PSD3: variants seen among roughly 807,000 people sequenced by gnomAD.
PSD3 encodes the protein pleckstrin and Sec7 domain containing 3, also known as PH and SEC7 domain-containing protein 3.
Under a neutral mutation model 105.5 loss-of-function variants are expected in PSD3, and 49 were observed. The ratio of observed to expected loss-of-function variants is 0.46; its 90% confidence interval spans 0.37 to 0.59. The LOEUF (loss-of-function observed/expected upper bound fraction) is 0.59. Ranked by LOEUF, PSD3 falls within the 20% of genes least tolerant of loss-of-function variation. PSD3 has a pLI of 0.00. For missense variants in PSD3, 1,561 were observed against 1,263.8 expected, an observed-to-expected ratio of 1.24 and a Z score of -3.57; for synonymous variants, 557 against 457.8, an observed-to-expected ratio of 1.22 and a Z score of -2.77.
intron 9 of PSD3, among the ~76,000 whole-genome samples, chr8:18,682,488 C>T (rs555905015): frequency 1.2e-3 from 183 of 152,194 alleles, no homozygotes; most frequent in African/African-American, 4.3e-3. Flanking sequence ...CCAACACATC[C>T]CTATACAGGT....
chr8:19,076,150 T>C (rs116398345), intron 1 of PSD3, among the ~76,000 whole-genome samples: 6,295 of 152,122 alleles, frequency 0.041, 154 homozygotes, highest in African/African-American at 0.069. Flanking sequence ...CTAAGAAAAA[T>C]TTCACTTACA....
intron 1 of PSD3, among the ~76,000 whole-genome samples, chr8:19,026,876 C>T (rs575917643): frequency 1.3e-5 from 2 of 151,686 alleles, no homozygotes; most frequent in African/African-American, 4.8e-5. Flanking sequence ...CCTGCCCCCC[C>T]ACCCAAAAAT....
chr8:19,047,320 G>T (rs1828354442), intron 1 of PSD3, among the ~76,000 whole-genome samples: 1 of 152,142 alleles, frequency 6.6e-6, no homozygotes. Context: ...GTAATGCATT[G>T]TATAGATTTC....
intron 1 of PSD3, among the ~76,000 whole-genome samples, chr8:18,982,809 CAAGTA>C (rs1168608017): frequency 6.6e-6 from 1 of 152,260 alleles, no homozygotes; most frequent in East Asian, 1.9e-4. Context: ...TTATAGAGCA[CAAGTA>C]GAGTAGATCT....
At chr8:18,784,309 C>A (rs74634795) in intron 8 of PSD3, among the ~76,000 whole-genome samples, 1 of 152,064 alleles carries the variant, frequency 6.6e-6, no homozygotes, top group Non-Finnish European at 1.5e-5. Context: ...TGTTCTTTCA[C>A]GGCTTATTAT....
rs138548775 is a variant in PSD3 at position 18,970,856 on chromosome 8, G to A, written c.22-34714C>T. Among the ~76,000 whole-genome samples, 434 of 151,970 alleles carry A rather than the reference G, an allele frequency of 2.9e-3. 3 individuals carry two copies. The highest frequency in any genetic ancestry group is 0.01 in the African/African-American group (418 of 41,432). On this transcript the variant is annotated intron_variant, in intron 1 of 15. Transcript: ENST00000327040. ...TGTAGTACCAACTACTTGGGAGGCT[G>A]TAGTCCCAACTACTTGGGAGGCTGA...
intron 9 of PSD3, among the ~76,000 whole-genome samples, chr8:18,748,784 A>G (rs1477323641): frequency 1.3e-5 from 2 of 152,074 alleles, no homozygotes; most frequent in Non-Finnish European, 2.9e-5. Context: ...ATCTCTCCAC[A>G]CAAGCTGGGA....
chr8:18,725,868 C>T (rs913411529), intron 9 of PSD3, among the ~76,000 whole-genome samples: 7 of 151,936 alleles, frequency 4.6e-5, no homozygotes, highest in African/African-American at 1.7e-4. Context: ...ATGGCAATGA[C>T]GCAAAGAAAA....
At chr8:18,772,437 C>T (rs1009639029) in intron 8 of PSD3, among the ~76,000 whole-genome samples, 1 of 152,102 alleles carries the variant, frequency 6.6e-6, no homozygotes, top group Non-Finnish European at 1.5e-5. Context: ...TCAGGTGATA[C>T]CCAACTGTAG....
chr8:19,021,031 T>C (rs1827345726), intron 1 of PSD3, among the ~76,000 whole-genome samples: 1 of 152,074 alleles, frequency 6.6e-6, no homozygotes, highest in South Asian at 2.1e-4. Context: ...AGAGATGATA[T>C]TTACATCCAT....
intron 9 of PSD3, among the ~76,000 whole-genome samples, chr8:18,708,547 G>C (rs561625624): frequency 1.3e-5 from 2 of 151,976 alleles, no homozygotes; most frequent in Non-Finnish European, 2.9e-5. Flanking sequence ...CTGTCTCTCC[G>C]TGTTTTTCCA....
At chr8:18,919,496 T>C (rs1157546) in intron 2 of PSD3, among the ~76,000 whole-genome samples, 11,621 of 151,738 alleles carry the variant, frequency 0.077, 617 homozygotes, top group Admixed American at 0.18. Context: ...TCAGAATTAC[T>C]GGAGTGAGGT....
chr8:18,844,298 A>AT (rs1378626728), intron 4 of PSD3, among the ~76,000 whole-genome samples: 5 of 152,112 alleles, frequency 3.3e-5, no homozygotes, highest in Non-Finnish European at 7.4e-5. Flanking sequence ...AGATGGTGAA[A>AT]TTTTTTACAA....
At chr8:18,677,300 C>T (rs981882994) in intron 9 of PSD3, among the ~76,000 whole-genome samples, 1 of 152,114 alleles carries the variant, frequency 6.6e-6, no homozygotes, top group Admixed American at 6.5e-5. Flanking sequence ...AAAACCAGGT[C>T]AGCGCAGTGG....
intron 2 of PSD3, among the ~76,000 whole-genome samples, chr8:18,881,646 A>T (rs1335782429): frequency 5.9e-5 from 9 of 151,986 alleles, no homozygotes; most frequent in Non-Finnish European, 1.5e-5. Context: ...ATCTATGCCT[A>T]GGTTCCTCAG....
intron 1 of PSD3, among the ~76,000 whole-genome samples, chr8:19,069,912 C>A (rs1239241637): frequency 6.6e-6 from 1 of 151,706 alleles, no homozygotes; most frequent in Non-Finnish European, 1.5e-5. Flanking sequence ...TCTGGCAGTT[C>A]TGCACAAACT....
At chr8:18,659,741 G>C (rs896679043) in intron 9 of PSD3, among the ~76,000 whole-genome samples, 2 of 152,212 alleles carry the variant, frequency 1.3e-5, no homozygotes, top group African/African-American at 4.8e-5. Flanking sequence ...TGTTGGTGAG[G>C]ATGATGGGCT....
chr8:18,936,184 C>A, intron 1 of PSD3, 42 bp from the exon 2 acceptor site: 2 of 1,304,412 alleles, frequency 1.5e-6, no homozygotes, highest in Non-Finnish European at 2.2e-6. Context: ...TAAAATACAT[C>A]ATTAAAAAAC....
At chr8:18,928,447 G>A (rs1175683819) in intron 2 of PSD3, among the ~76,000 whole-genome samples, 1 of 152,180 alleles carries the variant, frequency 6.6e-6, no homozygotes, top group Non-Finnish European at 1.5e-5. Flanking sequence ...CGTGAGAACA[G>A]ACTAATGTAT....
Sources: allele counts gnomAD v4.1 joint callset (sites outside exome capture counted in the v4.1 genomes callset), GRCh38; gene constraint gnomAD v4.1.1; transcripts MANE v1.5; gene names NCBI Gene and HGNC (gene_info 2026-07-23, HGNC 2026-07-21).